AGTPBP1: variants seen among roughly 807,000 people sequenced by gnomAD.
AGTPBP1 encodes cytosolic carboxypeptidase 1.
In AGTPBP1, 70 loss-of-function variants were observed where a neutral mutation model predicts 143.9. That is an observed-to-expected ratio of 0.49 (90% CI 0.40 to 0.59). The LOEUF (loss-of-function observed/expected upper bound fraction) is 0.59. AGTPBP1 is among the 20% of genes least tolerant of loss of function. The pLI, the probability that AGTPBP1 is intolerant of heterozygous loss-of-function variation, is 0.00. For missense variants in AGTPBP1, 1,229 were observed against 1,464.5 expected (o/e 0.84, Z 2.62); for synonymous variants, 463 against 500.2 (o/e 0.93, Z 0.99).
chr9:85,790,024 A>C, the AGTPBP1 span, among the ~76,000 whole-genome samples: 3 of 152,238 alleles, frequency 2.0e-5, no homozygotes, highest in Admixed American at 2.0e-4. Flanking sequence ...ACTTATGTCC[A>C]CAATTCCTCT....
intron 25 of AGTPBP1, chr9:85,554,335 T>G (rs1826204710): frequency 6.6e-6 from 1 of 152,156 alleles, no homozygotes; most frequent in Admixed American, 6.5e-5. Flanking sequence ...TAAAGACATT[T>G]GACAAATTTT....
intron 3 of AGTPBP1, 26 bp from the exon 4 acceptor site, chr9:85,681,361 C>T (rs1290720861): frequency 2.5e-6 from 4 of 1,600,074 alleles, no homozygotes; most frequent in Non-Finnish European, 3.4e-6. Context: ...CAATTTTTTT[C>T]TCAAACATAA....
At chr9:85,589,217 T>A (rs1308851822) in intron 20 of AGTPBP1, among the ~76,000 whole-genome samples, 1 of 152,166 alleles carries the variant, frequency 6.6e-6, no homozygotes, top group African/African-American at 2.4e-5. Flanking sequence ...TCTAAATTGA[T>A]AATACTATTA....
chr9:85,713,207 C>T (rs534400793), intron 1 of AGTPBP1, among the ~76,000 whole-genome samples: 2 of 152,204 alleles, frequency 1.3e-5, no homozygotes, highest in South Asian at 4.2e-4. Context: ...TTGGCATCAC[C>T]AAAAAGTAGA....
chr9:85,710,406 C>T (rs1837289929), intron 2 of AGTPBP1, among the ~76,000 whole-genome samples: 1 of 152,002 alleles, frequency 6.6e-6, no homozygotes, highest in Admixed American at 6.5e-5. Context: ...GGTGAGCTCT[C>T]ATCAAATTTG....
At chr9:85,601,851 A>G (rs1348727974) in intron 17 of AGTPBP1, among the ~76,000 whole-genome samples, 1 of 152,092 alleles carries the variant, frequency 6.6e-6, no homozygotes, top group African/African-American at 2.4e-5. Context: ...TGGCATCCTC[A>G]TTCCCAGCAA....
At chr9:85,742,012 G>T, upstream of AGTPBP1, 1 of 1,204,936 alleles carries the variant, frequency 8.3e-7, no homozygotes, top group Non-Finnish European at 1.0e-6. Flanking sequence ...CTTGCCAGCC[G>T]GCTCCCAGCA....
the AGTPBP1 span, among the ~76,000 whole-genome samples, chr9:85,779,839 G>A: frequency 6.6e-6 from 1 of 152,118 alleles, no homozygotes; most frequent in South Asian, 2.1e-4. Context: ...TCTACCCTGG[G>A]CAACAGGGTG....
At chr9:85,631,772 T>C (rs1202874545) in intron 14 of AGTPBP1, among the ~76,000 whole-genome samples, 1 of 152,180 alleles carries the variant, frequency 6.6e-6, no homozygotes, top group African/African-American at 2.4e-5. Context: ...GGGTATACAA[T>C]TTTTTTCAGA....
rs779478338 is a variant in AGTPBP1, at chr9:85,588,302, C to A, written c.2899G>T (p.Gly967Ter). ...TACAACTATTGCTTAACTTACTTTC[C>A]ATTGATGACACCATCTGGATTTAAC... ...PMLNPDGVINGNHRCSLSGED... is the reference protein window; with the variant it reads ...PMLNPDGVIN Residue 967 changes from glycine (G) to a stop codon, truncating the protein, a stop_gained, in exon 21 of 26, where the codon GGA becomes TGA. Coordinates refer to ENST00000357081, the MANE Select transcript of AGTPBP1 (RefSeq NM_001330701.2). LOFTEE classifies it high-confidence loss of function. 1 of 1,601,302 alleles carries A rather than the reference C, an allele frequency of 6.2e-7. No individual in the cohort carries two copies. The highest frequency in any genetic ancestry group is 8.5e-7 in the Non-Finnish European group (1 of 1,173,926).
intron 25 of AGTPBP1, among the ~76,000 whole-genome samples, chr9:85,550,029 G>A (rs1043641031): frequency 1.3e-5 from 2 of 152,074 alleles, no homozygotes; most frequent in Non-Finnish European, 2.9e-5. Flanking sequence ...CTTCATTAAG[G>A]TCTACATTGG....
chr9:85,612,724 G>A (rs898755734), intron 17 of AGTPBP1, among the ~76,000 whole-genome samples: 5 of 152,090 alleles, frequency 3.3e-5, no homozygotes, highest in Admixed American at 1.3e-4. Flanking sequence ...CTTGAGGTCT[G>A]CACTAACTCC....
At position 85,579,781 on chromosome 9, in the gene AGTPBP1, A is replaced by G. The variant is rs182888045; in HGVS notation, c.3166-685T>C. Among the ~76,000 whole-genome samples, 244 of 150,696 alleles carry G rather than the reference A, an allele frequency of 1.6e-3. 1 individual carries two copies. Among genetic ancestry groups the G allele is most frequent in the African/African-American group, 4.8e-3 (197 of 40,880 alleles). ...CTTATTATCATTATTATTAGTGGAG[A>G]AAAGATTGATCATTCATTAAATATT... On this transcript the variant is annotated intron_variant, in intron 23 of 25. Transcript: ENST00000357081.
chr9:85,727,900 T>C (rs932402713), intron 1 of AGTPBP1, among the ~76,000 whole-genome samples: 3 of 152,012 alleles, frequency 2.0e-5, no homozygotes, highest in African/African-American at 7.2e-5. Flanking sequence ...TGGTGGCATA[T>C]GGCTGTAATC....
rs748716944 is a variant in AGTPBP1, at chr9:85,642,961, G to A, written c.1186-18C>T. ...TCATCATTCTGAAATGATAAAAAGAGTATGTTATCAGGTAAAACAAAATTT... is the reference window on the plus strand; with the variant it reads ...TCATCATTCTGAAATGATAAAAAGAATATGTTATCAGGTAAAACAAAATTT... On this transcript the variant is annotated intron_variant, in intron 12 of 25. Coordinates refer to ENST00000357081, the MANE Select transcript of AGTPBP1 (RefSeq NM_001330701.2). The A allele has an allele frequency of 6.4e-7, 1 of 1,570,098 alleles. No individual in the cohort carries two copies. Among genetic ancestry groups the A allele is most frequent in the Non-Finnish European group, 8.7e-7 (1 of 1,146,280 alleles).
rs1484818014 is a variant in AGTPBP1 at position 85,741,633 on chromosome 9, G to A, written c.-34+142C>T. On this transcript the variant is annotated intron_variant, in intron 1 of 25. Transcript: ENST00000357081. Reference sequence around the variant, plus strand: ...CTCACGCGTCACATGTGTAACATGCGTTACACAACCCGTCAGGTAAGGGGC... The same window carrying A: ...CTCACGCGTCACATGTGTAACATGCATTACACAACCCGTCAGGTAAGGGGC... 8 of 1,243,138 alleles carry A rather than the reference G, an allele frequency of 6.4e-6. No homozygotes were observed. In the East Asian group the frequency reaches 9.6e-5, roughly 15 times the overall value. The allele number at this position is 1,243,138 out of a possible 1,614,324, so 77.0% of individuals were successfully genotyped here. A position where few individuals can be genotyped will look rare whatever the true frequency, so the allele number is the denominator to read the frequency against.
chr9:85,790,107 G>C, the AGTPBP1 span, among the ~76,000 whole-genome samples: 2 of 152,090 alleles, frequency 1.3e-5, no homozygotes, highest in Non-Finnish European at 2.9e-5. Flanking sequence ...ACAGATTGTA[G>C]GCTGCCTTGA....
At chr9:85,746,330 T>G (rs920730296), upstream of AGTPBP1, among the ~76,000 whole-genome samples, 3 of 152,082 alleles carry the variant, frequency 2.0e-5, no homozygotes, top group African/African-American at 7.2e-5. Flanking sequence ...CCCACATGTG[T>G]CTGTGTCCTA....
intron 3 of AGTPBP1, among the ~76,000 whole-genome samples, chr9:85,687,057 A>G (rs1201623327): frequency 6.6e-6 from 1 of 152,188 alleles, no homozygotes; most frequent in Non-Finnish European, 1.5e-5. Context: ...ACGATATGCA[A>G]AGAGTAATAA....
Sources: allele counts gnomAD v4.1 joint callset (sites outside exome capture counted in the v4.1 genomes callset), GRCh38; gene constraint gnomAD v4.1.1; transcripts MANE v1.5; gene names NCBI Gene and HGNC (gene_info 2026-07-23, HGNC 2026-07-21).